Variants in RTN3 observed in about 807,000 individuals in gnomAD.
RTN3 encodes the protein reticulon-3.
RTN3 carries 49 observed loss-of-function variants against 77.8 expected under a neutral mutation model. The ratio of observed to expected loss-of-function variants is 0.63; its 90% CI spans 0.50 to 0.80. The LOEUF (loss-of-function observed/expected upper bound fraction) is 0.80. Among genes scored for constraint, RTN3 ranks in the 30% least tolerant of loss-of-function variants. The probability of loss-of-function intolerance (pLI) is 0.00; values close to 1 mark genes in which losing one functional copy is unlikely to be tolerated. For missense variants in RTN3, 1,236 were observed against 1,211.9 expected (o/e 1.02, Z -0.29); for synonymous variants, 464 against 446.9 (o/e 1.04, Z -0.48).
chr11:63,744,761 G>A (rs984698401), intron 3 of RTN3, among the ~76,000 whole-genome samples: 3 of 152,168 alleles, frequency 2.0e-5, no homozygotes, highest in African/African-American at 7.2e-5. Context: ...GGAAGCCAAG[G>A]CCAGTGGATT....
rs1165260236 is a variant in RTN3, at chr11:63,720,889, A to G, written c.2387A>G (p.Asn796Ser). 1.2e-6 allele frequency: 2 copies of G among 1,613,952 alleles called. No homozygotes were observed. Among genetic ancestry groups the G allele is most frequent in the African/African-American group, 2.7e-5 (2 of 74,902 alleles). ...AGATCATATGACATCCTAGAACGTA[A>G]TGTCAAGAATGGATCTGATCTTGGG... ...PQRSYDILER[N>S]VKNGSDLGIS... Residue 796 changes from asparagine (N) to serine (S), a missense_variant, in exon 3 of 9, where the codon AAT (asparagine) becomes AGT (serine). This residue lies in a region of RTN3 where 1,056 missense variants were observed against 990.4 expected (regional missense o/e 1.07). Transcript: ENST00000377819.
At position 63,750,801 on chromosome 11, in the gene RTN3, G is replaced by A. The variant is rs941966936; in HGVS notation, c.2738+603G>A. ...GGCTGGAGTGCAGCGGTGCAATCTCGGCTCACTGCAAGCTCCTCCTCCTGG... is the reference window on the plus strand; with the variant it reads ...GGCTGGAGTGCAGCGGTGCAATCTCAGCTCACTGCAAGCTCCTCCTCCTGG... On this transcript the variant is annotated intron_variant, in intron 4 of 8. Transcript: ENST00000377819. Among the ~76,000 whole-genome samples the A allele has an allele frequency of 2.7e-5, 4 of 150,798 alleles. 1 individual carries two copies. Among genetic ancestry groups the A allele is most frequent in the South Asian group, 4.2e-4 (2 of 4,764 alleles).
chr11:63,703,132 T>C (rs190657695), intron 1 of RTN3, among the ~76,000 whole-genome samples: 21 of 152,282 alleles, frequency 1.4e-4, no homozygotes, highest in Admixed American at 1.3e-3. Flanking sequence ...AAAAACACAA[T>C]TTTTAAAAAC....
chr11:63,709,906 A>C (rs1270452702), intron 2 of RTN3, among the ~76,000 whole-genome samples: 1 of 152,230 alleles, frequency 6.6e-6, no homozygotes, highest in Non-Finnish European at 1.5e-5. Context: ...ATATCCTTTT[A>C]GTAAAAAGTA....
In RTN3 at chr11:63,718,906, G is replaced by A; in HGVS notation, c.404G>A (p.Gly135Glu). 6.2e-7 allele frequency: 1 copy of A among 1,614,108 alleles called. No individual in the cohort carries two copies. Among genetic ancestry groups the A allele is most frequent in the Non-Finnish European group, 8.5e-7 (1 of 1,180,016 alleles). Reference protein sequence around the residue: ...LDMKKMEKPQGTSNNVSDSSV... With the variant: ...LDMKKMEKPQETSNNVSDSSV... Reference sequence around the variant, plus strand: ...ATGAAAAAGATGGAAAAGCCTCAGGGGACCAGCAACAACGTATCAGACTCT... The same window carrying A: ...ATGAAAAAGATGGAAAAGCCTCAGGAGACCAGCAACAACGTATCAGACTCT... Residue 135 changes from glycine to glutamate, a missense_variant, in exon 3 of 9, where the codon GGG becomes GAG. Gly to Glu is a moderately conservative substitution (Grantham distance 98). This residue lies in a region of RTN3 where 1,056 missense variants were observed against 990.4 expected (regional missense o/e 1.07). Coordinates refer to ENST00000377819, the MANE Select transcript of RTN3 (RefSeq NM_001265589.2).
chr11:63,685,642 A>G (rs538467219), intron 1 of RTN3, among the ~76,000 whole-genome samples: 5 of 152,196 alleles, frequency 3.3e-5, no homozygotes, highest in Admixed American at 3.3e-4. Flanking sequence ...TTATTCCAAA[A>G]TTTAACTTAT....
chr11:63,729,175 C>G (rs1217063073), intron 3 of RTN3, among the ~76,000 whole-genome samples: 1 of 151,750 alleles, frequency 6.6e-6, no homozygotes, highest in Non-Finnish European at 1.5e-5. Flanking sequence ...ACAAGAAATG[C>G]TAAAGGAAGT....
rs576477042 is a variant in RTN3 at position 63,749,951 on chromosome 11, G to T, written c.2531-40G>T. 14 of 1,431,362 alleles carry T rather than the reference G, an allele frequency of 9.8e-6. No homozygotes were observed. In the South Asian group the frequency reaches 1.6e-4, roughly 17 times the overall value. The allele number at this position is 1,431,362 out of a possible 1,614,324, so 88.7% of individuals were successfully genotyped here. On this transcript the variant is annotated intron_variant, in intron 3 of 8. Transcript: ENST00000377819. ...CAGGTATGCAAGACATAGTAGCTGT[G>T]GATGTTTCTTATAACTTATATTCCC...
chr11:63,729,463 TG>T (rs2012534257), intron 3 of RTN3, among the ~76,000 whole-genome samples: 2 of 142,344 alleles, frequency 1.4e-5, no homozygotes, highest in African/African-American at 5.3e-5. Flanking sequence ...TTTTTTTGTT[TG>T]TTTGAGACAG....
At chr11:63,735,812 G>T (rs1350542377) in intron 3 of RTN3, among the ~76,000 whole-genome samples, 1 of 152,028 alleles carries the variant, frequency 6.6e-6, no homozygotes, top group East Asian at 1.9e-4. Flanking sequence ...TTACCAGTGT[G>T]AGCTAAAGCG....
chr11:63,708,845 T>A (rs1289834676), intron 2 of RTN3, among the ~76,000 whole-genome samples: 1 of 152,224 alleles, frequency 6.6e-6, no homozygotes, highest in Non-Finnish European at 1.5e-5. Flanking sequence ...AAATAGTGGA[T>A]TACATTTTAA....
chr11:63,720,393 A>C lies in RTN3; in HGVS notation c.1891A>C (p.Thr631Pro). Reference sequence around the variant, plus strand: ...GACAGAATTCTCATTAAATGTGACAACATCTGCCTATTTGGAGTCATTACA... The same window carrying C: ...GACAGAATTCTCATTAAATGTGACACCATCTGCCTATTTGGAGTCATTACA... Reference protein sequence around the residue: ...NETEFSLNVTTSAYLESLHGK... With the variant: ...NETEFSLNVTPSAYLESLHGK... The change falls in exon 3 of 9, where the codon ACA (threonine) becomes CCA (proline). Residue 631 changes from threonine to proline, a missense_variant. Physicochemically the swap from Thr to Pro is conservative, Grantham distance 38. Transcript: ENST00000377819. 6.2e-7 allele frequency: 1 copy of C among 1,614,086 alleles called. No individual in the cohort carries two copies.
chr11:63,727,064 G>C (rs375342400), intron 3 of RTN3, among the ~76,000 whole-genome samples: 1 of 151,864 alleles, frequency 6.6e-6, no homozygotes, highest in Non-Finnish European at 1.5e-5. Context: ...GGTGGCCTGT[G>C]CCTGTAGTCC....
At chr11:63,737,090 T>G (rs2013175598) in intron 3 of RTN3, among the ~76,000 whole-genome samples, 1 of 151,556 alleles carries the variant, frequency 6.6e-6, no homozygotes, top group Non-Finnish European at 1.5e-5. Flanking sequence ...CACCTCAGCC[T>G]CCTGAGTAGC....
chr11:63,718,947 G>A lies in RTN3; in HGVS notation c.445G>A (p.Ala149Thr), dbSNP rs755004345. Residue 149 changes from alanine to threonine, a missense_variant, in exon 3 of 9, where the codon GCA (alanine) becomes ACA (threonine). By Grantham distance (58) the Ala-to-Thr change is moderately conservative. This residue lies in a region of RTN3 where 1,056 missense variants were observed against 990.4 expected (regional missense o/e 1.07). Transcript: ENST00000377819. ...ATCAGACTCTTCAGTTTCTCTTGCA[G>A]CAGGAGTTCATTGTGACCGTCCTTC... ...NVSDSSVSLA[A>T]GVHCDRPSIP... 4.3e-6 allele frequency: 7 copies of A among 1,614,208 alleles called. No homozygotes were observed. The South Asian group carries it at 7.7e-5, about 18-fold the overall frequency.
chr11:63,688,255 G>A (rs999802159), intron 1 of RTN3, among the ~76,000 whole-genome samples: 7 of 137,380 alleles, frequency 5.1e-5, no homozygotes, highest in Non-Finnish European at 9.1e-5. Context: ...ACGGAGTCTC[G>A]CTCTGTCGCC....
At chr11:63,735,550 T>TTCCCTC (rs2013034094) in intron 3 of RTN3, among the ~76,000 whole-genome samples, 1 of 42,686 alleles carries the variant, frequency 2.3e-5, no homozygotes, top group Non-Finnish European at 4.2e-5. Flanking sequence ...ATTCTAACAT[T>TTCCCTC]TCTCTCTCTC....
chr11:63,706,069 G>T (rs995213712), intron 2 of RTN3, among the ~76,000 whole-genome samples: 6 of 152,166 alleles, frequency 3.9e-5, no homozygotes, highest in African/African-American at 1.4e-4. Context: ...TTCTCTAGCT[G>T]CAAAAGACTT....
At chr11:63,691,246 A>G (rs1590780222) in intron 1 of RTN3, among the ~76,000 whole-genome samples, 1 of 147,142 alleles carries the variant, frequency 6.8e-6, no homozygotes, top group Non-Finnish European at 1.5e-5. Context: ...TCAGCCTCCC[A>G]AGTAGCTGGG....
Sources: gnomAD v4.1 joint callset for allele counts (sites outside exome capture counted in the v4.1 genomes callset) on GRCh38, gnomAD v4.1.1 for gene constraint, gnomAD v4.1.1 regional missense constraint, MANE v1.5 for transcripts, NCBI Gene and HGNC (gene_info 2026-07-23, HGNC 2026-07-21) for gene names.